The following DMD variants were observed in gnomAD, a reference collection of about 807,000 sequenced individuals.
The protein encoded by DMD is mutant dystrophin.
A neutral mutation model predicts 330.1 loss-of-function variants in DMD; 63 were observed. That is an observed-to-expected ratio of 0.19 (90% CI 0.16 to 0.24). The LOEUF (loss-of-function observed/expected upper bound fraction) is 0.24, where lower values mean the gene tolerates loss of function less well. DMD is among the 10% of genes least tolerant of loss of function. The probability of loss-of-function intolerance (pLI) is 1.00; values close to 1 mark genes in which losing one functional copy is unlikely to be tolerated. For missense variants in DMD, 3,344 were observed against 2,684.1 expected (o/e 1.25, Z -5.43); for synonymous variants, 1,223 against 959.8 (o/e 1.27, Z -5.07).
intron 7 of DMD, among the ~76,000 whole-genome samples, chrX:32,785,044 C>T (rs1004075517): frequency 6.2e-4 from 68 of 110,087 alleles, no homozygotes; most frequent in African/African-American, 2.0e-3. Context: ...CTTTAAAATG[C>T]TTATGTAGCA....
intron 59 of DMD, among the ~76,000 whole-genome samples, chrX:31,457,965 A>C (rs932792099): frequency 8.9e-6 from 1 of 112,063 alleles, no homozygotes; most frequent in Admixed American, 9.5e-5. Flanking sequence ...TTTTACTTTC[A>C]GATTATTGTA....
At chrX:32,301,519 A>G (rs1016159846) in intron 42 of DMD, among the ~76,000 whole-genome samples, 2 of 110,970 alleles carry the variant, frequency 1.8e-5, no homozygotes, top group Non-Finnish European at 3.8e-5. Context: ...ACTATAAGAT[A>G]TTGCCAATAT....
intron 60 of DMD, among the ~76,000 whole-genome samples, chrX:31,396,383 C>T (rs377738726): frequency 1.8e-5 from 2 of 110,570 alleles, no homozygotes; most frequent in East Asian, 5.7e-4. Context: ...GTGATCCGCC[C>T]GCCTCGGCCT....
rs189334905 is a variant in DMD at position 33,043,586 on chromosome X, G to C, written c.32-23386C>G. ...GCAAGCATACACGCATGCACAAGCA[G>C]AACACAAATTTAGAAGCTATAGAGA... On this transcript the variant is annotated intron_variant, in intron 1 of 78. Coordinates refer to ENST00000357033, the MANE Select transcript of DMD (RefSeq NM_004006.3). Among the ~76,000 whole-genome samples, 215 of 110,961 alleles carry C rather than the reference G, an allele frequency of 1.9e-3. 2 individuals carry two copies. The highest frequency in any genetic ancestry group is 4.7e-3 in the Middle Eastern group (1 of 214).
intron 16 of DMD, among the ~76,000 whole-genome samples, chrX:32,548,176 C>T (rs1233429917): frequency 1.8e-5 from 2 of 111,144 alleles, no homozygotes; most frequent in Non-Finnish European, 3.8e-5. Flanking sequence ...TATATATTCA[C>T]TATAGGACAT....
At chrX:33,176,218 T>C (rs1258777790) in intron 1 of DMD, among the ~76,000 whole-genome samples, 1 of 111,539 alleles carries the variant, frequency 9.0e-6, no homozygotes, top group Non-Finnish European at 1.9e-5. Flanking sequence ...CTCTGTTACC[T>C]AGTCTAGTTT....
At chrX:32,533,056 T>A (rs748399554) in intron 17 of DMD, among the ~76,000 whole-genome samples, 2 of 111,619 alleles carry the variant, frequency 1.8e-5, no homozygotes, top group African/African-American at 3.3e-5. Flanking sequence ...AATTTTATGA[T>A]ACACAAAACC....
intron 60 of DMD, among the ~76,000 whole-genome samples, chrX:31,366,499 T>TA (rs1198673918): frequency 4.3e-3 from 157 of 36,485 alleles, no homozygotes; most frequent in African/African-American, 0.013. Flanking sequence ...AAAAAAAACA[T>TA]AAAAAAAAAA....
chrX:33,085,560 A>G (rs1033299266), intron 1 of DMD, among the ~76,000 whole-genome samples: 1 of 112,252 alleles, frequency 8.9e-6, no homozygotes, highest in African/African-American at 3.2e-5. Flanking sequence ...ACGCAATATT[A>G]AAACAACTCA....
In DMD at chrX:31,759,067, A is replaced by T. The variant is rs191290063; in HGVS notation, c.7542+14893T>A. Among the ~76,000 whole-genome samples the T allele has an allele frequency of 3.6e-4, 40 of 111,924 alleles. No homozygotes were observed. The Admixed American group carries it at 3.6e-3, about 10-fold the overall frequency. On this transcript the variant is annotated intron_variant, in intron 51 of 78. Transcript: ENST00000357033. ...AAAATTTGTGCAGGTTGTCAATAAC[A>T]TACAGGGCAAGGTTTTAGATGCCTG...
intron 2 of DMD, among the ~76,000 whole-genome samples, chrX:32,964,148 C>T (rs141829684): frequency 0.013 from 1,346 of 102,934 alleles, 22 homozygotes; most frequent in African/African-American, 0.045. Context: ...CCCAGCTATT[C>T]GGGAGGATGA....
At chrX:32,471,909 G>C (rs1180463478) in intron 22 of DMD, among the ~76,000 whole-genome samples, 1 of 111,751 alleles carries the variant, frequency 8.9e-6, no homozygotes, top group African/African-American at 3.2e-5. Flanking sequence ...GAAAATGCAT[G>C]CTAAATTAAA....
intron 1 of DMD, among the ~76,000 whole-genome samples, chrX:33,045,856 C>T (rs2094374104): frequency 9.0e-6 from 1 of 111,548 alleles, no homozygotes; most frequent in East Asian, 2.8e-4. Context: ...TGATAAGCAG[C>T]TAACATGTGT....
chrX:31,605,632 A>G (rs993022562), intron 55 of DMD, among the ~76,000 whole-genome samples: 8 of 111,939 alleles, frequency 7.1e-5, no homozygotes, highest in South Asian at 3.8e-4. Context: ...CTCTTGCTCT[A>G]AATGAATCAA....
At chrX:32,140,497 TGATAAG>T (rs1025691709) in intron 44 of DMD, among the ~76,000 whole-genome samples, 8 of 112,518 alleles carry the variant, frequency 7.1e-5, no homozygotes, top group African/African-American at 2.6e-4. Context: ...TTTTCAAAGT[TGATAAG>T]GATATAGTTT....
rs751065442 is a variant in DMD, at chrX:32,468,718, AC to A, written c.2950-9del. ...CAGAGAACTTTGTAAAGCCTAAAAA[AC>A]AATTTTTTAAATACATTTACCCTAA... On this transcript the variant is annotated splice_polypyrimidine_tract_variant and intron_variant, in intron 22 of 78. Transcript: ENST00000357033. 4.2e-6 allele frequency: 5 copies of A among 1,187,977 alleles called. No homozygotes were observed. Among genetic ancestry groups the A allele is most frequent in the Non-Finnish European group, 2.3e-6 (2 of 876,525 alleles).
At chrX:31,696,627 C>G (rs1427666189) in intron 52 of DMD, among the ~76,000 whole-genome samples, 1 of 111,953 alleles carries the variant, frequency 8.9e-6, no homozygotes, top group East Asian at 2.8e-4. Flanking sequence ...GTTCTCCCAG[C>G]ACCATTTATT....
intron 1 of DMD, among the ~76,000 whole-genome samples, chrX:33,142,260 T>C (rs1487895434): frequency 9.0e-6 from 1 of 111,714 alleles, no homozygotes; most frequent in Admixed American, 9.5e-5. Flanking sequence ...TAATTTTGCG[T>C]TTTTAGTAGA....
At chrX:32,993,910 A>C (rs985830418) in intron 2 of DMD, among the ~76,000 whole-genome samples, 1 of 111,656 alleles carries the variant, frequency 9.0e-6, no homozygotes, top group African/African-American at 3.3e-5. Context: ...AAATGATACC[A>C]GGACACAGGA....
Sources: gnomAD v4.1 joint callset for allele counts (sites outside exome capture counted in the v4.1 genomes callset) on GRCh38, gnomAD v4.1.1 for gene constraint, MANE v1.5 for transcripts, NCBI Gene and HGNC (gene_info 2026-07-23, HGNC 2026-07-21) for gene names.